CCL25: variants seen among roughly 807,000 people sequenced by gnomAD.
The protein encoded by CCL25 is C-C motif chemokine ligand 25, also known as C-C motif chemokine 25.
Under a neutral mutation model 19.9 loss-of-function variants are expected in CCL25, and 14 were observed. The ratio of observed to expected loss-of-function variants is 0.70; its 90% CI spans 0.47 to 1.10. The LOEUF is 1.10. Ranked by LOEUF, CCL25 falls within the 50% of genes least tolerant of loss-of-function variation. The pLI is 0.00. For synonymous variants in CCL25, 68 were observed against 73.2 expected (o/e 0.93, Z 0.36); for missense variants, 151 against 181.2 (o/e 0.83, Z 0.96).
At chr19:8,057,020 TTTTTTA>T (rs796784233) in intron 4 of CCL25, among the ~76,000 whole-genome samples, 5 of 152,150 alleles carry the variant, frequency 3.3e-5, no homozygotes, top group African/African-American at 1.2e-4. Flanking sequence ...TGTTATTTTA[TTTTTTA>T]TTTTTATTTT....
At chr19:8,056,034 G>A (rs1022696467) in intron 2 of CCL25, 118 bp from the exon 3 acceptor site, 2 of 667,352 alleles carry the variant, frequency 3.0e-6, no homozygotes, top group African/African-American at 3.6e-5. Context: ...GCCTCTGCCG[G>A]GCCTGGAAGG....
intron 3 of CCL25, 33 bp downstream of exon 3, chr19:8,056,302 G>GCGGGGGGGGGGGGGGGGGGGGCCC: frequency 1.7e-6 from 1 of 593,420 alleles, no homozygotes; most frequent in Non-Finnish European, 3.2e-6. Flanking sequence ...GGGGGGTGGG[G>GCGGGGGGGGGGGGGGGGGGGGCCC]TGCACACACA....
At chr19:8,061,688 CA>C (rs1393440810) in intron 5 of CCL25, among the ~76,000 whole-genome samples, 1 of 151,864 alleles carries the variant, frequency 6.6e-6, no homozygotes, top group Non-Finnish European at 1.5e-5. Context: ...AAACAGAATT[CA>C]AAGACCAAAT....
At chr19:8,058,455 A>G (rs2081289699) in intron 5 of CCL25, among the ~76,000 whole-genome samples, 1 of 114,900 alleles carries the variant, frequency 8.7e-6, no homozygotes, top group African/African-American at 3.4e-5. Context: ...AATATATATA[A>G]TATATATAAG....
intron 5 of CCL25, among the ~76,000 whole-genome samples, chr19:8,060,982 ATTTTTTT>A (rs68112327): frequency 1.1e-5 from 1 of 95,166 alleles, no homozygotes. Flanking sequence ...GCCCGGCCTA[ATTTTTTT>A]TTTTTTTTTT....
At chr19:8,056,301 G>GCCT in intron 3 of CCL25, 32 bp downstream of exon 3, 1 of 549,182 alleles carries the variant, frequency 1.8e-6, no homozygotes, top group African/African-American at 2.0e-5. Context: ...GGGGGGGTGG[G>GCCT]GTGCACACAC....
chr19:8,055,540 T>C (rs568249721), intron 2 of CCL25, among the ~76,000 whole-genome samples: 6 of 151,908 alleles, frequency 3.9e-5, no homozygotes, highest in East Asian at 3.9e-4. Context: ...TTCACCGTGT[T>C]AGCCAGGATG....
At chr19:8,058,567 ATATAT>A (rs1475651007) in intron 5 of CCL25, among the ~76,000 whole-genome samples, 6 of 117,588 alleles carry the variant, frequency 5.1e-5, no homozygotes, top group Non-Finnish European at 8.8e-5. Flanking sequence ...TATAAAAATA[ATATAT>A]AATATATAAA....
intron 5 of CCL25, among the ~76,000 whole-genome samples, chr19:8,059,112 AATATATAAAT>A (rs1481809614): frequency 5.2e-5 from 6 of 116,172 alleles, no homozygotes; most frequent in South Asian, 2.3e-4. Context: ...ATTTATATAT[AATATATAAAT>A]ATATATAAAT....
upstream of CCL25, among the ~76,000 whole-genome samples, chr19:8,052,530 A>G (rs996821787): frequency 8.8e-5 from 13 of 147,916 alleles, no homozygotes; most frequent in African/African-American, 2.9e-4. Flanking sequence ...GGTGAGGGAA[A>G]CAGGGGAAAA....
intron 5 of CCL25, among the ~76,000 whole-genome samples, chr19:8,059,950 G>A (rs572733896): frequency 1.8e-4 from 28 of 152,112 alleles, no homozygotes; most frequent in Non-Finnish European, 3.7e-4. Flanking sequence ...TTAGCCGGGC[G>A]TGGTGGCAGG....
chr19:8,058,877 C>T (rs960542426), intron 5 of CCL25, among the ~76,000 whole-genome samples: 5 of 139,984 alleles, frequency 3.6e-5, no homozygotes, highest in African/African-American at 1.3e-4. Context: ...CCAGGATGGT[C>T]TCGATCTCCT....
intron 2 of CCL25, among the ~76,000 whole-genome samples, 156 bp downstream of exon 2, chr19:8,053,278 T>G (rs2081245929): frequency 1.3e-5 from 2 of 152,052 alleles, no homozygotes; most frequent in Non-Finnish European, 2.9e-5. Context: ...TTTGGTTAGC[T>G]CTTGGGATGG....
intron 5 of CCL25, among the ~76,000 whole-genome samples, chr19:8,059,945 C>T (rs763306678): frequency 3.3e-5 from 5 of 151,862 alleles, no homozygotes; most frequent in South Asian, 2.1e-4. Context: ...AAAAATTAGC[C>T]GGGCGTGGTG....
intron 5 of CCL25, among the ~76,000 whole-genome samples, chr19:8,060,024 C>T (rs1276423299): frequency 6.6e-6 from 1 of 151,686 alleles, no homozygotes; most frequent in African/African-American, 2.4e-5. Flanking sequence ...GGGAGGCGGG[C>T]CTTGAAGTAA....
chr19:8,054,591 C>T (rs1324941522), intron 2 of CCL25, among the ~76,000 whole-genome samples: 1 of 152,140 alleles, frequency 6.6e-6, no homozygotes, highest in African/African-American at 2.4e-5. Flanking sequence ...GCTTCCTCCA[C>T]TATCTCATCA....
intron 2 of CCL25, among the ~76,000 whole-genome samples, chr19:8,055,481 G>A (rs548253621): frequency 4.0e-5 from 6 of 151,034 alleles, no homozygotes; most frequent in South Asian, 2.1e-4. Flanking sequence ...GACTCCAGGC[G>A]CCCACCACCA....
intron 5 of CCL25, among the ~76,000 whole-genome samples, chr19:8,061,303 TTTTG>T (rs1269071366): frequency 2.0e-5 from 3 of 152,008 alleles, no homozygotes; most frequent in Non-Finnish European, 4.4e-5. Context: ...CCAGCAATTT[TTTTG>T]TTTATTTGTT....
intron 5 of CCL25, among the ~76,000 whole-genome samples, chr19:8,059,200 ATAAT>A (rs2081301810): frequency 1.6e-5 from 2 of 125,328 alleles, no homozygotes; most frequent in South Asian, 2.3e-4. Flanking sequence ...TATATTATAT[ATAAT>A]TAATATTTTT....
Sources: gnomAD v4.1 joint callset for allele counts (sites outside exome capture counted in the v4.1 genomes callset) on GRCh38, gnomAD v4.1.1 for gene constraint, MANE v1.5 for transcripts, NCBI Gene and HGNC (gene_info 2026-07-23, HGNC 2026-07-21) for gene names.